The following ARHGAP24 variants were observed in gnomAD, a reference collection of about 807,000 sequenced individuals.
ARHGAP24 encodes rho GTPase-activating protein 24.
In ARHGAP24, 50 loss-of-function variants were observed where a neutral mutation model predicts 76.4. That is an observed-to-expected ratio of 0.65 (90% CI 0.52 to 0.83). ARHGAP24 has a LOEUF of 0.83. Among genes scored for constraint, ARHGAP24 ranks in the 40% least tolerant of loss-of-function variants. The probability of loss-of-function intolerance (pLI) is 0.00; values close to 1 mark genes in which losing one functional copy is unlikely to be tolerated. For missense variants in ARHGAP24, 930 were observed against 914.2 expected (o/e 1.02, Z -0.22); for synonymous variants, 345 against 323.3 (o/e 1.07, Z -0.72).
chr4:85,901,260 G>T (rs1734473454), intron 3 of ARHGAP24, among the ~76,000 whole-genome samples: 1 of 152,020 alleles, frequency 6.6e-6, no homozygotes, highest in African/African-American at 2.4e-5. Context: ...ACTAATCAGA[G>T]ACCTGCCTTC....
intron 1 of ARHGAP24, among the ~76,000 whole-genome samples, chr4:85,526,948 T>C (rs994886640): frequency 6.6e-6 from 1 of 152,212 alleles, no homozygotes; most frequent in African/African-American, 2.4e-5. Flanking sequence ...TTATGTAACT[T>C]ATTTCTTATA....
At chr4:85,728,053 C>A (rs1047198926) in intron 3 of ARHGAP24, among the ~76,000 whole-genome samples, 1 of 151,794 alleles carries the variant, frequency 6.6e-6, no homozygotes, top group Non-Finnish European at 1.5e-5. Flanking sequence ...CTACCTTTAG[C>A]CACAACTATA....
intron 3 of ARHGAP24, among the ~76,000 whole-genome samples, chr4:85,832,416 T>G (rs890450762): frequency 6.6e-6 from 1 of 152,172 alleles, no homozygotes; most frequent in Admixed American, 6.5e-5. Context: ...TATTAGGCAT[T>G]GAGTAGCCCT....
intron 3 of ARHGAP24, among the ~76,000 whole-genome samples, chr4:85,831,210 A>T (rs970586380): frequency 9.9e-5 from 15 of 152,202 alleles, no homozygotes; most frequent in Non-Finnish European, 1.6e-4. Flanking sequence ...CTGATGACCA[A>T]TACAACATAA....
intron 2 of ARHGAP24, among the ~76,000 whole-genome samples, chr4:85,674,443 A>T (rs1722907908): frequency 1.3e-5 from 2 of 152,192 alleles, no homozygotes; most frequent in African/African-American, 4.8e-5. Context: ...AATAATACAA[A>T]ATCTTTTTGA....
intron 1 of ARHGAP24, among the ~76,000 whole-genome samples, chr4:85,492,222 T>C (rs1302812635): frequency 1.3e-5 from 2 of 152,094 alleles, no homozygotes; most frequent in Non-Finnish European, 2.9e-5. Flanking sequence ...TCCTTCTTCT[T>C]ATTATTACTG....
intron 3 of ARHGAP24, among the ~76,000 whole-genome samples, chr4:85,798,071 A>AT (rs369981480): frequency 2.0e-5 from 3 of 151,834 alleles, no homozygotes; most frequent in Admixed American, 1.3e-4. Context: ...ACTACTAAAA[A>AT]AGGAAATTCA....
At chr4:85,553,426 C>T (rs1308623146) in intron 1 of ARHGAP24, among the ~76,000 whole-genome samples, 2 of 152,082 alleles carry the variant, frequency 1.3e-5, no homozygotes, top group African/African-American at 4.8e-5. Flanking sequence ...GTCCGTTTTA[C>T]AGAGTGCTGA....
chr4:85,994,109 C>T (rs1740501228), intron 8 of ARHGAP24, among the ~76,000 whole-genome samples: 1 of 152,108 alleles, frequency 6.6e-6, no homozygotes, highest in Non-Finnish European at 1.5e-5. Flanking sequence ...TTTACAGATG[C>T]CACTAAAATA....
chr4:85,528,779 G>A (rs1175806097), intron 1 of ARHGAP24, among the ~76,000 whole-genome samples: 1 of 152,020 alleles, frequency 6.6e-6, no homozygotes, highest in Non-Finnish European at 1.5e-5. Flanking sequence ...TCCACGTCAT[G>A]TCCTCTGCAT....
chr4:85,496,971 T>G (rs1202548644), intron 1 of ARHGAP24, among the ~76,000 whole-genome samples: 1 of 152,270 alleles, frequency 6.6e-6, no homozygotes, highest in African/African-American at 2.4e-5. Context: ...GAAGTCATTT[T>G]GGGCAAAGGG....
chr4:85,504,725 G>A (rs1036003330), intron 1 of ARHGAP24, among the ~76,000 whole-genome samples: 3 of 152,084 alleles, frequency 2.0e-5, no homozygotes, highest in Non-Finnish European at 4.4e-5. Flanking sequence ...TTACATTTAA[G>A]GTTAATATTG....
At chr4:85,947,774 A>G (rs936349156) in intron 5 of ARHGAP24, among the ~76,000 whole-genome samples, 9 of 152,234 alleles carry the variant, frequency 5.9e-5, no homozygotes, top group Admixed American at 3.9e-4. Context: ...TAAAAACTGA[A>G]CACCAATTTA....
At chr4:85,941,137 G>A (rs1736924563) in intron 4 of ARHGAP24, among the ~76,000 whole-genome samples, 1 of 152,072 alleles carries the variant, frequency 6.6e-6, no homozygotes, top group Non-Finnish European at 1.5e-5. Flanking sequence ...AGTCACATCT[G>A]CTTTGGCTGT....
At chr4:85,804,832 G>T (rs1728723751) in intron 3 of ARHGAP24, among the ~76,000 whole-genome samples, 1 of 152,084 alleles carries the variant, frequency 6.6e-6, no homozygotes, top group Non-Finnish European at 1.5e-5. Context: ...AACTGTCAAA[G>T]AACAGACAAT....
At chr4:85,855,889 A>G (rs1237977660) in intron 3 of ARHGAP24, among the ~76,000 whole-genome samples, 2 of 152,134 alleles carry the variant, frequency 1.3e-5, no homozygotes, top group East Asian at 1.9e-4. Flanking sequence ...ATGATACATT[A>G]TGCCCCATAT....
chr4:85,667,231 G>A (rs964812606), intron 2 of ARHGAP24, among the ~76,000 whole-genome samples: 22 of 152,274 alleles, frequency 1.4e-4, no homozygotes, highest in East Asian at 5.8e-4. Context: ...CATTGCTGCC[G>A]CCTTGCAGTT....
At chr4:85,621,900 C>G (rs1046471129) in intron 2 of ARHGAP24, among the ~76,000 whole-genome samples, 2 of 152,086 alleles carry the variant, frequency 1.3e-5, no homozygotes, top group African/African-American at 4.8e-5. Flanking sequence ...AATTTTAGGT[C>G]TTACATTTTA....
chr4:85,608,551 G>GTTTTTTTTTTTTTTTTTTTTTTTTTTTT (rs141361475), intron 2 of ARHGAP24, among the ~76,000 whole-genome samples: 2 of 73,188 alleles, frequency 2.7e-5, no homozygotes, highest in Non-Finnish European at 4.9e-5. Flanking sequence ...TTGTTTGGTT[G>GTTTTTTTTTTTTTTTTTTTTTTTTTTTT]TTTTTTTTTT....
Sources: allele counts gnomAD v4.1 joint callset (sites outside exome capture counted in the v4.1 genomes callset), GRCh38; gene constraint gnomAD v4.1.1; transcripts MANE v1.5; gene names NCBI Gene and HGNC (gene_info 2026-07-23, HGNC 2026-07-21).